FAM169A: variants seen among roughly 807,000 people sequenced by gnomAD.
FAM169A encodes the protein soluble lamin-associated protein of 75 kDa.
In FAM169A, 24 loss-of-function variants were observed where a neutral mutation model predicts 75.7. The ratio of observed to expected loss-of-function variants is 0.32; its 90% CI spans 0.23 to 0.45. FAM169A has a LOEUF of 0.45. Among genes scored for constraint, FAM169A ranks in the 20% least tolerant of loss-of-function variants. The pLI, the probability that FAM169A is intolerant of heterozygous loss-of-function variation, is 1.00. For synonymous variants in FAM169A, 271 were observed against 271.0 expected (o/e 1.00, Z 0.00); for missense variants, 673 against 784.0 (o/e 0.86, Z 1.69).
intron 4 of FAM169A, among the ~76,000 whole-genome samples, chr5:74,835,502 TA>T (rs1748525464): frequency 7.0e-6 from 1 of 143,494 alleles, no homozygotes; most frequent in African/African-American, 2.6e-5. Context: ...TTCAGGACGC[TA>T]AAGGGGGAAG....
At chr5:74,807,207 T>C (rs1350783372) in intron 6 of FAM169A, among the ~76,000 whole-genome samples, 3 of 152,178 alleles carry the variant, frequency 2.0e-5, no homozygotes, top group Admixed American at 6.5e-5. Flanking sequence ...TCAAACATCA[T>C]AGCTTAGCCT....
At chr5:74,832,668 T>C (rs1341597681) in intron 5 of FAM169A, among the ~76,000 whole-genome samples, 1 of 149,856 alleles carries the variant, frequency 6.7e-6, no homozygotes, top group Non-Finnish European at 1.5e-5. Flanking sequence ...TATTTATATA[T>C]ATATACACAC....
chr5:74,801,144 C>A, intron 9 of FAM169A, 114 bp from the exon 10 acceptor site: 3 of 715,664 alleles, frequency 4.2e-6, no homozygotes, highest in Non-Finnish European at 6.3e-6. Context: ...CTCCACATTA[C>A]ACAGGTTCAC....
At chr5:74,800,399 G>C (rs558460322) in intron 10 of FAM169A, among the ~76,000 whole-genome samples, 109 of 152,174 alleles carry the variant, frequency 7.2e-4, no homozygotes, top group African/African-American at 2.5e-3. Flanking sequence ...TAAAAGAATT[G>C]AATGCGGGGG....
At chr5:74,793,513 G>A (rs1358271456) in intron 11 of FAM169A, among the ~76,000 whole-genome samples, 2 of 152,056 alleles carry the variant, frequency 1.3e-5, no homozygotes, top group Non-Finnish European at 2.9e-5. Flanking sequence ...GCTATGAGGA[G>A]GCAAAGGCAT....
chr5:74,787,490 C>A (rs948338681), intron 11 of FAM169A, among the ~76,000 whole-genome samples: 1 of 152,046 alleles, frequency 6.6e-6, no homozygotes, highest in African/African-American at 2.4e-5. Context: ...GAAGATATAC[C>A]CTTGACCGAT....
intron 6 of FAM169A, among the ~76,000 whole-genome samples, chr5:74,810,453 T>C (rs1024317803): frequency 2.0e-5 from 3 of 151,908 alleles, no homozygotes; most frequent in Non-Finnish European, 4.4e-5. Context: ...GTACGGTACA[T>C]GTACGGTACA....
At chr5:74,846,289 A>C (rs1437194944) in intron 1 of FAM169A, among the ~76,000 whole-genome samples, 1 of 152,210 alleles carries the variant, frequency 6.6e-6, no homozygotes, top group African/African-American at 2.4e-5. Flanking sequence ...TTCATTTACT[A>C]AGAGCAATTG....
chr5:74,796,114 A>C lies in FAM169A; in HGVS notation c.1176T>G (p.Ile392Met). ...FLEEEPEQRG[I>M]EFEDESSDRD... ...TATCACTGCTTTCATCCTCAAATTC[A>C]ATCCCTCTCTGTTCAGGTTCTTCTT... The change falls in exon 11 of 13, where the codon ATT (isoleucine) becomes ATG (methionine). Residue 392 changes from isoleucine to methionine, a missense_variant. Ile to Met is a conservative substitution (Grantham distance 10). This residue lies in a region of FAM169A where 510 missense variants were observed against 550.9 expected (regional missense o/e 0.93). Transcript: ENST00000687041. 1.2e-6 allele frequency: 2 copies of C among 1,614,026 alleles called. No homozygotes were observed. Among genetic ancestry groups the C allele is most frequent in the Non-Finnish European group, 1.7e-6 (2 of 1,179,982 alleles).
Position 74,800,981 on chromosome 5 carries a change from C to A in FAM169A, c.1002G>T (p.Lys334Asn). ...GAAACCGCTTTCCAATCTTTGGCCG[C>A]TTTAGATTACCACTTCGAGTATGAG... ...VSTHTRSGNL[K>N]RPKIGKRFQD... Residue 334 changes from lysine to asparagine, a missense_variant, in exon 10 of 13, where the codon AAG (lysine) becomes AAT (asparagine). Physicochemically the swap from Lys to Asn is moderately conservative, Grantham distance 94 (BLOSUM62 0). Around this residue, in one of 3 missense-constraint regions of FAM169A, gnomAD observed 510 missense variants for 550.9 expected, o/e 0.93. Transcript: ENST00000687041. 1 of 1,564,786 alleles carries A rather than the reference C, an allele frequency of 6.4e-7. No individual in the cohort carries two copies. Among genetic ancestry groups the A allele is most frequent in the Non-Finnish European group, 8.7e-7 (1 of 1,154,992 alleles).
chr5:74,803,482 A>AT (rs1309656553), intron 8 of FAM169A, among the ~76,000 whole-genome samples: 2 of 152,158 alleles, frequency 1.3e-5, no homozygotes, highest in African/African-American at 4.8e-5. Flanking sequence ...ATAAGCACAA[A>AT]TAATTCCCTA....
intron 12 of FAM169A, 80 bp from the exon 13 acceptor site, chr5:74,782,088 A>G: frequency 9.4e-7 from 1 of 1,064,722 alleles, no homozygotes; most frequent in Non-Finnish European, 1.4e-6. Flanking sequence ...ATATGCAGTG[A>G]CACTGAACTA....
At chr5:74,804,791 T>C (rs542679326) in intron 7 of FAM169A, among the ~76,000 whole-genome samples, 186 bp from the exon 8 acceptor site, 15 of 152,334 alleles carry the variant, frequency 9.8e-5, no homozygotes, top group Admixed American at 9.1e-4. Context: ...CAATGTTAAA[T>C]AGTTATTTTA....
At chr5:74,801,226 G>C (rs754374824) in intron 9 of FAM169A, among the ~76,000 whole-genome samples, 196 bp from the exon 10 acceptor site, 9 of 152,084 alleles carry the variant, frequency 5.9e-5, no homozygotes, top group Non-Finnish European at 1.3e-4. Context: ...ATGTAACTTT[G>C]TCAAGTTATA....
chr5:74,805,992 AAG>A (rs1554048236), intron 6 of FAM169A, among the ~76,000 whole-genome samples: 1 of 151,526 alleles, frequency 6.6e-6, no homozygotes, highest in Non-Finnish European at 1.5e-5. Flanking sequence ...AAAAAAAAAA[AAG>A]AAATAATATT....
chr5:74,865,680 G>A (rs1279498127), intron 1 of FAM169A: 2 of 152,410 alleles, frequency 1.3e-5, no homozygotes, highest in African/African-American at 2.4e-5. Flanking sequence ...GGTAAAGGAA[G>A]GCGGTCAGAG....
intron 11 of FAM169A, among the ~76,000 whole-genome samples, chr5:74,789,898 G>A (rs184129033): frequency 1.2e-3 from 179 of 152,318 alleles, no homozygotes; most frequent in Non-Finnish European, 2.1e-3. Context: ...CCTGTTACTG[G>A]GCTTTGGTAG....
chr5:74,805,341 CA>C (rs1746811217), intron 6 of FAM169A, 57 bp from the exon 7 acceptor site: 14 of 1,571,728 alleles, frequency 8.9e-6, no homozygotes, highest in Non-Finnish European at 1.2e-5. Context: ...TTTTGAAAAA[CA>C]GGAGTTGAAA....
At chr5:74,833,626 G>A (rs575905785) in intron 5 of FAM169A, among the ~76,000 whole-genome samples, 2 of 152,326 alleles carry the variant, frequency 1.3e-5, no homozygotes, top group African/African-American at 4.8e-5. Context: ...TAGACTGGAT[G>A]TGACCAGAAG....
Sources: allele counts gnomAD v4.1 joint callset (sites outside exome capture counted in the v4.1 genomes callset), GRCh38; gene constraint gnomAD v4.1.1; regional missense constraint gnomAD v4.1.1; transcripts MANE v1.5; gene names NCBI Gene and HGNC (gene_info 2026-07-23, HGNC 2026-07-21).